The following MMP16 variants were observed in gnomAD, a reference collection of about 807,000 sequenced individuals.
MMP16 encodes the protein matrix metalloproteinase-16.
MMP16 carries 12 observed loss-of-function variants against 67.8 expected under a neutral mutation model. That is an observed-to-expected ratio of 0.18 (90% CI 0.11 to 0.29). The LOEUF (loss-of-function observed/expected upper bound fraction) is 0.29. Among genes scored for constraint, MMP16 ranks in the 10% least tolerant of loss-of-function variants. The probability of loss-of-function intolerance (pLI) is 1.00; values close to 1 mark genes in which losing one functional copy is unlikely to be tolerated. For missense variants in MMP16, 475 were observed against 765.7 expected, an observed-to-expected ratio of 0.62 and a Z score of 4.48; for synonymous variants, 249 against 255.9, an observed-to-expected ratio of 0.97 and a Z score of 0.26.
At chr8:88,322,457 C>A (rs574418904) in intron 1 of MMP16, among the ~76,000 whole-genome samples, 1 of 152,140 alleles carries the variant, frequency 6.6e-6, no homozygotes, top group South Asian at 2.1e-4. Context: ...ATTGATATGT[C>A]CTAACCTGAT....
intron 6 of MMP16, among the ~76,000 whole-genome samples, chr8:88,086,076 T>A (rs1808828828): frequency 6.6e-6 from 1 of 151,800 alleles, no homozygotes. Context: ...ACCAAAAATG[T>A]AGTTCAGCTC....
intron 4 of MMP16, among the ~76,000 whole-genome samples, chr8:88,119,274 C>A (rs1807779841): frequency 6.6e-6 from 1 of 151,986 alleles, no homozygotes; most frequent in African/African-American, 2.4e-5. Flanking sequence ...ACTGTCCTTA[C>A]TTTTACAAAG....
chr8:88,249,916 G>C (rs1399314721), intron 1 of MMP16, among the ~76,000 whole-genome samples: 1 of 152,174 alleles, frequency 6.6e-6, no homozygotes, highest in East Asian at 1.9e-4. Context: ...TCAATATTTT[G>C]TCTGATTTTC....
At chr8:88,261,791 A>ACACACACACACG (rs1480133687) in intron 1 of MMP16, among the ~76,000 whole-genome samples, 2 of 151,688 alleles carry the variant, frequency 1.3e-5, no homozygotes, top group Non-Finnish European at 2.9e-5. Flanking sequence ...ACACACACAC[A>ACACACACACACG]CAACCATATA....
rs117517970 is a variant in MMP16, at chr8:88,244,745, T to C, written c.133-47439A>G. 4.7e-3 allele frequency among the ~76,000 whole-genome samples: 717 copies of C among 152,314 alleles called. 5 individuals carry two copies. Among genetic ancestry groups the C allele is most frequent in the Admixed American group, 7.7e-3 (118 of 15,298 alleles). On this transcript the variant is annotated intron_variant, in intron 1 of 9. Coordinates refer to ENST00000286614, the MANE Select transcript of MMP16 (RefSeq NM_005941.5). ...CTCAGAGACTTGATTTTCAACTACC[T>C]GGCTATAACATCTTTCTTTACCTTC...
At position 88,182,338 on chromosome 8, in the gene MMP16, G is replaced by A. The variant is rs189266407; in HGVS notation, c.404+4138C>T. On this transcript the variant is annotated intron_variant, in intron 3 of 9. Coordinates refer to ENST00000286614, the MANE Select transcript of MMP16 (RefSeq NM_005941.5). ...ATTGATAGATCTCAACAGACACCTC[G>A]CCAAAGAAGATACAGAGATGGTAGG... Among the ~76,000 whole-genome samples, 4 of 152,072 alleles carry A rather than the reference G, an allele frequency of 2.6e-5. 1 individual carries two copies. Among genetic ancestry groups the A allele is most frequent in the East Asian group, 1.9e-4 (1 of 5,180 alleles).
intron 2 of MMP16, among the ~76,000 whole-genome samples, chr8:88,195,510 T>C (rs139802451): frequency 1.3e-5 from 2 of 152,310 alleles, no homozygotes; most frequent in East Asian, 3.9e-4. Context: ...AATGCTGTGA[T>C]GAGGAGTACA....
At chr8:88,229,247 G>A (rs914040981) in intron 1 of MMP16, among the ~76,000 whole-genome samples, 5 of 152,036 alleles carry the variant, frequency 3.3e-5, no homozygotes, top group East Asian at 1.9e-4. Flanking sequence ...CAGAATATAC[G>A]TGTATATATA....
At chr8:88,201,467 A>G (rs1277992163) in intron 1 of MMP16, among the ~76,000 whole-genome samples, 1 of 152,122 alleles carries the variant, frequency 6.6e-6, no homozygotes. Flanking sequence ...TGCAAAGGTG[A>G]TAAATTTATT....
chr8:88,248,503 T>A (rs1463382851), intron 1 of MMP16, among the ~76,000 whole-genome samples: 2 of 152,044 alleles, frequency 1.3e-5, no homozygotes, highest in South Asian at 4.2e-4. Flanking sequence ...CAGGCAGAAA[T>A]GGCAAAAACT....
intron 4 of MMP16, among the ~76,000 whole-genome samples, chr8:88,137,368 G>A (rs999849818): frequency 3.3e-5 from 5 of 151,866 alleles, no homozygotes; most frequent in Admixed American, 3.3e-4. Flanking sequence ...AAGGAATACC[G>A]AACCTGTACT....
At chr8:88,165,014 G>A (rs1253515324) in intron 4 of MMP16, among the ~76,000 whole-genome samples, 1 of 151,580 alleles carries the variant, frequency 6.6e-6, no homozygotes, top group Non-Finnish European at 1.5e-5. Flanking sequence ...AAATCTCCCT[G>A]TAGATTTTTT....
intron 8 of MMP16, among the ~76,000 whole-genome samples, chr8:88,047,202 T>G (rs933666142): frequency 6.6e-6 from 1 of 152,182 alleles, no homozygotes; most frequent in Non-Finnish European, 1.5e-5. Flanking sequence ...GAACATTTTT[T>G]TGAAATAATC....
At chr8:88,321,272 T>C (rs1451533817) in intron 1 of MMP16, among the ~76,000 whole-genome samples, 1 of 152,114 alleles carries the variant, frequency 6.6e-6, no homozygotes, top group East Asian at 1.9e-4. Flanking sequence ...CTACAAAATA[T>C]GTGTATATTT....
chr8:88,063,384 A>G (rs925884322), intron 7 of MMP16, among the ~76,000 whole-genome samples: 1 of 152,154 alleles, frequency 6.6e-6, no homozygotes, highest in African/African-American at 2.4e-5. Context: ...TCTTTGTGGA[A>G]CAGACTAGCA....
At chr8:88,182,877 A>T (rs1422084355) in intron 3 of MMP16, among the ~76,000 whole-genome samples, 4 of 151,148 alleles carry the variant, frequency 2.6e-5, no homozygotes, top group Non-Finnish European at 5.9e-5. Flanking sequence ...GTTCAGCAAT[A>T]AAAAATGAGC....
intron 1 of MMP16, among the ~76,000 whole-genome samples, chr8:88,308,669 G>C (rs1043404451): frequency 1.3e-5 from 2 of 151,946 alleles, no homozygotes; most frequent in Non-Finnish European, 2.9e-5. Context: ...GTATATCAAA[G>C]ATTCATGCAC....
chr8:88,248,719 T>C (rs1425994533), intron 1 of MMP16, among the ~76,000 whole-genome samples: 1 of 150,718 alleles, frequency 6.6e-6, no homozygotes, highest in Non-Finnish European at 1.5e-5. Flanking sequence ...GTGTGGCAAC[T>C]GGAAAAAGGA....
At chr8:88,138,883 G>T (rs534710877) in intron 4 of MMP16, among the ~76,000 whole-genome samples, 1 of 152,144 alleles carries the variant, frequency 6.6e-6, no homozygotes, top group African/African-American at 2.4e-5. Flanking sequence ...CAATGGGAAT[G>T]TTGGTTTGCT....
Sources: gnomAD v4.1 joint callset for allele counts (sites outside exome capture counted in the v4.1 genomes callset) on GRCh38, gnomAD v4.1.1 for gene constraint, MANE v1.5 for transcripts, NCBI Gene and HGNC (gene_info 2026-07-23, HGNC 2026-07-21) for gene names.